The following DCLK1 variants were observed in gnomAD, a reference collection of about 807,000 sequenced individuals.
The protein encoded by DCLK1 is serine/threonine-protein kinase DCLK1.
Under a neutral mutation model 86.2 loss-of-function variants are expected in DCLK1, and 16 were observed. The ratio of observed to expected loss-of-function variants is 0.19; its 90% CI spans 0.13 to 0.28. The LOEUF is 0.28. Among genes scored for constraint, DCLK1 ranks in the 10% least tolerant of loss-of-function variants. DCLK1 has a pLI of 1.00. For synonymous variants in DCLK1, 369 were observed against 370.5 expected (o/e 1.00, Z 0.05); for missense variants, 590 against 940.2 (o/e 0.63, Z 4.87).
intron 3 of DCLK1, among the ~76,000 whole-genome samples, chr13:36,030,173 T>A (rs1882212310): frequency 6.6e-6 from 1 of 152,210 alleles, no homozygotes; most frequent in South Asian, 2.1e-4. Context: ...GTTTCATTAT[T>A]GAGTATCTAA....
chr13:35,872,370 T>C (rs944069444), intron 4 of DCLK1, among the ~76,000 whole-genome samples: 2 of 152,254 alleles, frequency 1.3e-5, no homozygotes, highest in South Asian at 2.1e-4. Context: ...TACCAACCCT[T>C]TTCACAATAC....
chr13:36,112,352 T>C, intron 2 of DCLK1, 137 bp from the exon 3 acceptor site: 2 of 586,508 alleles, frequency 3.4e-6, no homozygotes, highest in Non-Finnish European at 5.6e-6. Flanking sequence ...GTGTGATTAA[T>C]AATTAGGGAA....
intron 3 of DCLK1, among the ~76,000 whole-genome samples, chr13:36,061,695 A>C (rs1306953545): frequency 6.6e-6 from 1 of 152,226 alleles, no homozygotes; most frequent in East Asian, 1.9e-4. Flanking sequence ...GAAATGACGA[A>C]GTGTGAATAT....
chr13:35,905,821 G>C (rs912319005), intron 4 of DCLK1, among the ~76,000 whole-genome samples: 4 of 150,518 alleles, frequency 2.7e-5, no homozygotes, highest in African/African-American at 1.0e-4. Context: ...GGTGGTGTGG[G>C]ACTGTGGGCT....
chr13:35,911,629 G>C (rs1334814902), intron 4 of DCLK1, among the ~76,000 whole-genome samples: 1 of 152,180 alleles, frequency 6.6e-6, no homozygotes. Context: ...CTGCCACCCA[G>C]AACATTACAA....
intron 3 of DCLK1, among the ~76,000 whole-genome samples, chr13:36,045,336 A>ATATATATC (rs1882855879): frequency 1.9e-5 from 1 of 52,050 alleles, no homozygotes; most frequent in South Asian, 6.4e-4. Flanking sequence ...GTGTGTGTAT[A>ATATATATC]TATATATATA....
At chr13:35,979,845 C>T (rs1236860325) in intron 3 of DCLK1, among the ~76,000 whole-genome samples, 1 of 152,192 alleles carries the variant, frequency 6.6e-6, no homozygotes, top group Non-Finnish European at 1.5e-5. Flanking sequence ...GAAGGATTCT[C>T]TGAGCAGCTC....
intron 3 of DCLK1, among the ~76,000 whole-genome samples, chr13:35,986,015 C>T (rs1045392368): frequency 3.3e-5 from 5 of 151,888 alleles, no homozygotes; most frequent in African/African-American, 4.8e-5. Flanking sequence ...CTTAAAAGGC[C>T]GATGAAGGTC....
At chr13:36,005,044 G>A (rs1880890743) in intron 3 of DCLK1, among the ~76,000 whole-genome samples, 1 of 152,018 alleles carries the variant, frequency 6.6e-6, no homozygotes. Context: ...CTAATACAAA[G>A]AGACTGGTAA....
Position 36,079,775 on chromosome 13 carries a change from C to G in DCLK1, c.723+32094G>C, listed in dbSNP as rs532805952. Among the ~76,000 whole-genome samples, 15 of 152,258 alleles carry G rather than the reference C, an allele frequency of 9.9e-5. No individual in the cohort carries two copies. In the South Asian group the frequency reaches 3.1e-3, roughly 32 times the overall value. ...TTGTTTCAAGCATTGAAAGAATGCT[C>G]CATCAATAGCGGAAGATATCCAAAA... On this transcript the variant is annotated intron_variant, in intron 3 of 16. Coordinates refer to ENST00000360631, the MANE Select transcript of DCLK1 (RefSeq NM_001330071.2).
chr13:35,902,531 C>T (rs1333386212), intron 4 of DCLK1, among the ~76,000 whole-genome samples: 1 of 151,818 alleles, frequency 6.6e-6, no homozygotes, highest in Non-Finnish European at 1.5e-5. Flanking sequence ...CAGCTGTGGG[C>T]GTAGATTGTG....
intron 3 of DCLK1, among the ~76,000 whole-genome samples, chr13:35,971,445 C>T (rs531971948): frequency 1.3e-5 from 2 of 152,208 alleles, no homozygotes; most frequent in Admixed American, 6.5e-5. Context: ...TACAAGAAGA[C>T]AGGAAGATGC....
chr13:35,963,862 C>A (rs965427445), intron 3 of DCLK1, among the ~76,000 whole-genome samples: 1 of 152,134 alleles, frequency 6.6e-6, no homozygotes, highest in Non-Finnish European at 1.5e-5. Context: ...TTCCTGAGGC[C>A]TCCCCAGCAA....
At chr13:35,969,774 A>T (rs1055013994) in intron 3 of DCLK1, among the ~76,000 whole-genome samples, 1 of 152,110 alleles carries the variant, frequency 6.6e-6, no homozygotes, top group South Asian at 2.1e-4. Context: ...TGTTCCCCCT[A>T]GAATGTGTAT....
At chr13:36,078,655 T>A (rs1926321) in intron 3 of DCLK1, among the ~76,000 whole-genome samples, 40,675 of 152,076 alleles carry the variant, frequency 0.27, 5,788 homozygotes, top group East Asian at 0.5. Flanking sequence ...AGCAAGTGGA[T>A]GGTGAAACAC....
chr13:35,806,084 G>T (rs1448230609), intron 14 of DCLK1, among the ~76,000 whole-genome samples: 1 of 152,166 alleles, frequency 6.6e-6, no homozygotes, highest in South Asian at 2.1e-4. Flanking sequence ...TCCTTTCTTT[G>T]TCTAGCATTT....
chr13:35,918,892 G>GTTTTTTTTTTTTTTTTTTTTTTTTTTTTT (rs749567335), intron 4 of DCLK1, among the ~76,000 whole-genome samples: 1 of 76,310 alleles, frequency 1.3e-5, no homozygotes, highest in South Asian at 5.9e-4. Flanking sequence ...TTCTGAGTGT[G>GTTTTTTTTTTTTTTTTTTTTTTTTTTTTT]TTTTTTTTTT....
chr13:36,045,574 G>A (rs1026529315), intron 3 of DCLK1, among the ~76,000 whole-genome samples: 13 of 151,610 alleles, frequency 8.6e-5, no homozygotes, highest in Non-Finnish European at 1.3e-4. Flanking sequence ...TCATCAGGTC[G>A]GGTGTGGTGG....
chr13:36,027,113 A>G (rs577055969), intron 3 of DCLK1, among the ~76,000 whole-genome samples: 84 of 152,298 alleles, frequency 5.5e-4, no homozygotes, highest in African/African-American at 2.0e-3. Flanking sequence ...ATTATCCTCT[A>G]TAGCCAGCAG....
Sources: allele counts gnomAD v4.1 joint callset (sites outside exome capture counted in the v4.1 genomes callset), GRCh38; gene constraint gnomAD v4.1.1; transcripts MANE v1.5; gene names NCBI Gene and HGNC (gene_info 2026-07-23, HGNC 2026-07-21).